DGKB: variants seen among roughly 807,000 people sequenced by gnomAD.
DGKB encodes the protein diacylglycerol kinase beta.
A neutral mutation model predicts 114.3 loss-of-function variants in DGKB; 67 were observed. The ratio of observed to expected loss-of-function variants is 0.59; its 90% CI spans 0.48 to 0.72. The LOEUF (loss-of-function observed/expected upper bound fraction) is 0.72, where lower values mean the gene tolerates loss of function less well. Ranked by LOEUF, DGKB falls within the 30% of genes least tolerant of loss-of-function variation. The pLI is 0.00. For synonymous variants in DGKB, 398 were observed against 323.1 expected, an observed-to-expected ratio of 1.23 and a Z score of -2.49; for missense variants, 907 against 975.2, an observed-to-expected ratio of 0.93 and a Z score of 0.93.
In DGKB at chr7:14,621,381, C is replaced by T. The variant is rs2054301384; in HGVS notation, c.1281G>A (p.Leu427=). The stretch of plus-strand genomic sequence containing the variant: ...ATTTTGATTTAAAAAATCATACCTG[C>T]AGGCCTTGTCCATCTACAGTAACAG... ...ANSVTVDGQG[L]QVTPVPGTHP... The change falls in exon 15 of 26, where the codon CTG becomes CTA. Residue 427 remains leucine (L), a synonymous_variant. Transcript: ENST00000402815. The T allele has an allele frequency of 6.3e-7, 1 of 1,596,926 alleles. No homozygotes were observed.
intron 2 of DGKB, among the ~76,000 whole-genome samples, chr7:14,819,776 G>A (rs919844967): frequency 3.9e-5 from 6 of 152,006 alleles, no homozygotes; most frequent in African/African-American, 7.2e-5. Context: ...CCAAGCCCAT[G>A]TTCTTAATAT....
At chr7:14,235,636 G>T (rs947698667) in intron 23 of DGKB, among the ~76,000 whole-genome samples, 1 of 152,050 alleles carries the variant, frequency 6.6e-6, no homozygotes, top group Admixed American at 6.6e-5. Flanking sequence ...TTTGCTTAGA[G>T]TGTAATGTGG....
At chr7:14,949,361 C>G (rs1455891420) in intron 1 of DGKB, among the ~76,000 whole-genome samples, 1 of 151,822 alleles carries the variant, frequency 6.6e-6, no homozygotes, top group Non-Finnish European at 1.5e-5. Flanking sequence ...AAAACCGCTT[C>G]TAACTGTATT....
At chr7:14,494,305 T>C (rs947935927) in intron 20 of DGKB, among the ~76,000 whole-genome samples, 3 of 152,020 alleles carry the variant, frequency 2.0e-5, no homozygotes, top group South Asian at 2.1e-4. Context: ...TATATTCATA[T>C]AGTATTTTAA....
chr7:14,722,604 G>A (rs906911631), intron 5 of DGKB, among the ~76,000 whole-genome samples: 1 of 152,152 alleles, frequency 6.6e-6, no homozygotes, highest in Non-Finnish European at 1.5e-5. Context: ...ACAAGGTGAA[G>A]AGATCGAGAA....
At chr7:14,768,694 T>C (rs1836830486) in intron 2 of DGKB, among the ~76,000 whole-genome samples, 1 of 152,058 alleles carries the variant, frequency 6.6e-6, no homozygotes, top group African/African-American at 2.4e-5. Flanking sequence ...CTGTGAACAT[T>C]GCCTACAATG....
At chr7:14,611,658 G>GC (rs1018863161) in intron 16 of DGKB, among the ~76,000 whole-genome samples, 9 of 151,732 alleles carry the variant, frequency 5.9e-5, no homozygotes, top group Admixed American at 5.3e-4. Context: ...CGAAGTTGAA[G>GC]CCCCCAGTAA....
At chr7:14,826,191 G>A (rs1301089733) in intron 2 of DGKB, among the ~76,000 whole-genome samples, 1 of 152,088 alleles carries the variant, frequency 6.6e-6, no homozygotes, top group Non-Finnish European at 1.5e-5. Flanking sequence ...CCTGGAAATG[G>A]ATTCGGCCTG....
chr7:14,615,930 T>C (rs924172417), intron 15 of DGKB, among the ~76,000 whole-genome samples: 7 of 151,564 alleles, frequency 4.6e-5, no homozygotes, highest in African/African-American at 1.7e-4. Flanking sequence ...TGAATATAAA[T>C]AGTTTTCTTA....
chr7:14,867,723 G>A (rs1384232709), intron 1 of DGKB, among the ~76,000 whole-genome samples: 1 of 152,012 alleles, frequency 6.6e-6, no homozygotes, highest in Admixed American at 6.6e-5. Flanking sequence ...ACTAATTTAA[G>A]CTTCTGTTTA....
intron 17 of DGKB, among the ~76,000 whole-genome samples, chr7:14,594,184 A>G (rs1802160847): frequency 6.6e-6 from 1 of 152,060 alleles, no homozygotes; most frequent in Non-Finnish European, 1.5e-5. Context: ...CTCATCTGTA[A>G]GTGTGTTTTT....
intron 17 of DGKB, among the ~76,000 whole-genome samples, chr7:14,589,502 T>G (rs2128742580): frequency 6.6e-6 from 1 of 152,192 alleles, no homozygotes; most frequent in Admixed American, 6.5e-5. Flanking sequence ...CCATTTAGGA[T>G]ATCTGTTATT....
chr7:14,227,224 A>C (rs559058528), intron 23 of DGKB, among the ~76,000 whole-genome samples: 1 of 152,058 alleles, frequency 6.6e-6, no homozygotes, highest in African/African-American at 2.4e-5. Context: ...ACTTTTGTTC[A>C]AAAAATTTCA....
At chr7:14,769,220 AAGAGAG>A (rs199632692) in intron 2 of DGKB, among the ~76,000 whole-genome samples, 1 of 117,882 alleles carries the variant, frequency 8.5e-6, no homozygotes, top group African/African-American at 3.3e-5. Flanking sequence ...AAGAAAGAGA[AAGAGAG>A]AGAGAAAGAA....
chr7:14,509,396 G>T (rs1787627835), intron 20 of DGKB, among the ~76,000 whole-genome samples: 2 of 152,168 alleles, frequency 1.3e-5, no homozygotes. Flanking sequence ...CATGCCACAG[G>T]TTGCTCAGGG....
At chr7:14,588,201 T>A (rs1801103889) in intron 17 of DGKB, among the ~76,000 whole-genome samples, 1 of 152,176 alleles carries the variant, frequency 6.6e-6, no homozygotes, top group South Asian at 2.1e-4. Flanking sequence ...TTCCATTATC[T>A]ATTCCTTTTC....
chr7:14,904,341 A>T (rs566749879), upstream of DGKB, among the ~76,000 whole-genome samples: 1 of 152,232 alleles, frequency 6.6e-6, no homozygotes, highest in African/African-American at 2.4e-5. Flanking sequence ...CACGCCTTTA[A>T]TTATTTCTGC....
At chr7:14,934,200 A>G (rs974012264) in intron 1 of DGKB, among the ~76,000 whole-genome samples, 3 of 152,172 alleles carry the variant, frequency 2.0e-5, no homozygotes, top group African/African-American at 7.2e-5. Context: ...TTTGATCAGC[A>G]GAGAAATAAT....
intron 22 of DGKB, among the ~76,000 whole-genome samples, chr7:14,340,005 C>A (rs1811338781): frequency 6.6e-6 from 1 of 151,894 alleles, no homozygotes; most frequent in Admixed American, 6.6e-5. Flanking sequence ...CATACTGAAG[C>A]TAGGATTGCA....
Sources: allele counts gnomAD v4.1 joint callset (sites outside exome capture counted in the v4.1 genomes callset), GRCh38; gene constraint gnomAD v4.1.1; transcripts MANE v1.5; gene names NCBI Gene and HGNC (gene_info 2026-07-23, HGNC 2026-07-21).